The following FZR1 variants were observed in gnomAD, a reference collection of about 807,000 sequenced individuals.
The protein encoded by FZR1 is fizzy-related protein homolog.
In FZR1, 11 loss-of-function variants were observed where a neutral mutation model predicts 63.6. The observed-to-expected ratio is 0.17, with a 90% CI of 0.11 to 0.29. The LOEUF (loss-of-function observed/expected upper bound fraction) is 0.29, where lower values mean the gene tolerates loss of function less well. Ranked by LOEUF, FZR1 falls within the 10% of genes least tolerant of loss-of-function variation. The pLI is 1.00. For synonymous variants in FZR1, 328 were observed against 297.9 expected (o/e 1.10, Z -1.04); for missense variants, 440 against 687.5 (o/e 0.64, Z 4.03).
At chr19:3,518,833 C>A (rs910182472) in intron 1 of FZR1, among the ~76,000 whole-genome samples, 2 of 152,176 alleles carry the variant, frequency 1.3e-5, no homozygotes, top group Non-Finnish European at 2.9e-5. Context: ...TACTGCATTC[C>A]AGCCTGGGCG....
rs775669018 is a variant in FZR1 at position 3,532,384 on chromosome 19, G to GACAGCCCCGGCCTC, written c.1009-24_1009-11dup. The GACAGCCCCGGCCTC allele has an allele frequency of 2.0e-5, 30 of 1,530,332 alleles. No homozygotes were observed. In the Middle Eastern group the frequency reaches 5.4e-4, roughly 28 times the overall value. The allele number at this position is 1,530,332 out of a possible 1,614,324, so 94.8% of individuals were successfully genotyped here. On this transcript the variant is annotated intron_variant, in intron 10 of 13. Coordinates refer to ENST00000441788, the MANE Select transcript of FZR1 (RefSeq NM_016263.4). ...CCGGCCTATGGGACCACAGGGCTGGGACAGCCCCGGCCTCACAGCCCCTGT... is the reference window on the plus strand; with the variant it reads ...CCGGCCTATGGGACCACAGGGCTGGGACAGCCCCGGCCTCACAGCCCCGGCCTCACAGCCCCTGT...
chr19:3,530,758 C>T lies in FZR1; in HGVS notation c.655-34C>T, dbSNP rs776763870. On this transcript the variant is annotated intron_variant, in intron 7 of 13. Transcript: ENST00000441788. ...CATGGATAGACTGGGGCTTCGAGAC[C>T]AGCGGCAAAGCTCACACTGACCTCT... 5 of 1,576,812 alleles carry T rather than the reference C, an allele frequency of 3.2e-6. 1 individual carries two copies. In the South Asian group the frequency reaches 5.6e-5, roughly 18 times the overall value.
intron 6 of FZR1, 39 bp downstream of exon 6, chr19:3,527,101 G>A: frequency 6.9e-7 from 1 of 1,457,128 alleles, no homozygotes; most frequent in Non-Finnish European, 9.6e-7. Flanking sequence ...CCTACTCCCT[G>A]TCTCCCGTCA....
At chr19:3,523,596 G>A (rs986283351) in intron 2 of FZR1, among the ~76,000 whole-genome samples, 1 of 152,214 alleles carries the variant, frequency 6.6e-6, no homozygotes, top group African/African-American at 2.4e-5. Context: ...CCAAACTCCT[G>A]TTGCTGTCTA....
Position 3,516,440 on chromosome 19 carries a change from T to C in FZR1, c.-34-6516T>C, listed in dbSNP as rs1227384164. Among the ~76,000 whole-genome samples, 1 of 152,198 alleles carries C rather than the reference T, an allele frequency of 6.6e-6. No homozygotes were observed. The highest frequency in any genetic ancestry group is 2.4e-5 in the African/African-American group (1 of 41,456). ...TGTCTGCCCTGCGGACTCCCAATTT[T>C]CCCGGTGTTGAATTCCACAGCCATG... On this transcript the variant is annotated intron_variant, in intron 1 of 13. Coordinates refer to ENST00000441788, the MANE Select transcript of FZR1 (RefSeq NM_016263.4). The surrounding 1 kb of genome is among the most constrained non-coding windows in gnomAD (Gnocchi z 6.0).
rs1261952147 is a variant in FZR1, at chr19:3,533,699, C to T, written c.1347+301C>T. ...GAAGAGGAAAGCCAAAACCAACTCA[C>T]AGCTGACCACTCAGATGACCCTGTG... On this transcript the variant is annotated intron_variant, in intron 12 of 13. Transcript: ENST00000441788. The surrounding 1 kb of genome is among the most constrained non-coding windows in gnomAD (Gnocchi z 4.9). 1.1e-5 allele frequency: 4 copies of T among 374,192 alleles called. No homozygotes were observed. The highest frequency in any genetic ancestry group is 8.3e-5 in the African/African-American group (4 of 48,170). 23.2% of individuals were successfully genotyped at this position (374,192 alleles called of 1,614,324 possible). A position where few individuals can be genotyped will look rare whatever the true frequency, so the allele number is the denominator to read the frequency against.
At position 3,507,831 on chromosome 19, in the gene FZR1, G is replaced by C. The variant is rs184143969; in HGVS notation, c.-35+1357G>C. Among the ~76,000 whole-genome samples the C allele has an allele frequency of 1.9e-3, 295 of 152,382 alleles. 2 individuals are homozygous for C. Among genetic ancestry groups the C allele is most frequent in the African/African-American group, 5.7e-3 (239 of 41,592 alleles). On this transcript the variant is annotated intron_variant, in intron 1 of 13. Transcript: ENST00000441788. ...GCGTGGGCCTCCTCCTGTGTCAGGG[G>C]CCCGTGTGTTTTGGCGACACCCGAT...
chr19:3,506,818 G>A (rs1438990678), intron 1 of FZR1, among the ~76,000 whole-genome samples: 3 of 152,142 alleles, frequency 2.0e-5, no homozygotes, highest in Middle Eastern at 3.4e-3. Flanking sequence ...CCCCCAACCA[G>A]GGGACCCCAC....
At position 3,531,895 on chromosome 19, in the gene FZR1, T is replaced by C. The variant is rs1391764794; in HGVS notation, c.824-16T>C. 2 of 1,585,250 alleles carry C rather than the reference T, an allele frequency of 1.3e-6. No homozygotes were observed. Among genetic ancestry groups the C allele is most frequent in the Non-Finnish European group, 1.7e-6 (2 of 1,168,196 alleles). ...AGGGCAGGAGAGGCTCACCCCCGCT[T>C]CCACCTGGCCTCCAGGGGCGCTGGC... is the stretch of plus-strand genomic sequence containing the variant. On this transcript the variant is annotated splice_polypyrimidine_tract_variant and intron_variant, in intron 9 of 13. Transcript: ENST00000441788.
chr19:3,526,528 C>A lies in FZR1; in HGVS notation c.387+142C>A. Reference sequence around the variant, plus strand: ...TCAGCACCCCCGCCCTGACCCTGTTCCTTAGCCAGGTCAGGGGCCCTGGGA... The same window carrying A: ...TCAGCACCCCCGCCCTGACCCTGTTACTTAGCCAGGTCAGGGGCCCTGGGA... On this transcript the variant is annotated intron_variant, in intron 5 of 13. Transcript: ENST00000441788. This position sits in a 1 kb window ranked among gnomAD's most constrained non-coding sequence, Gnocchi z 5.4. 1 of 649,214 alleles carries A rather than the reference C, an allele frequency of 1.5e-6. No homozygotes were observed. Among genetic ancestry groups the A allele is most frequent in the East Asian group, 2.7e-5 (1 of 36,522 alleles). 40.2% of individuals were successfully genotyped at this position (649,214 alleles called of 1,614,324 possible).
In FZR1 at chr19:3,526,960, G is replaced by A. The variant is rs757880275; in HGVS notation, c.388-20G>A. 9 of 1,589,318 alleles carry A rather than the reference G, an allele frequency of 5.7e-6. No homozygotes were observed. The highest frequency in any genetic ancestry group is 1.7e-4 in the Middle Eastern group (1 of 6,040). On this transcript the variant is annotated intron_variant, in intron 5 of 13. Coordinates refer to ENST00000441788, the MANE Select transcript of FZR1 (RefSeq NM_016263.4). The surrounding 1 kb of genome is among the most constrained non-coding windows in gnomAD (Gnocchi z 5.4). Reference sequence around the variant, plus strand: ...TGCGGCCTGGGCGTGCGCTCAGCTGGCATGTCCCCCGCTCCACAGTATTCC... The same window carrying A: ...TGCGGCCTGGGCGTGCGCTCAGCTGACATGTCCCCCGCTCCACAGTATTCC...
rs1286393656 is a variant in FZR1, at chr19:3,538,293, TGTTTA to T, written c.*3458_*3462del. On this transcript the variant is annotated 3_prime_UTR_variant, in exon 14 of 14. Transcript: ENST00000441788. ...GGTTTGGTTTGGTTTTGTTTTGTTT[TGTTTA>T]TTGTGGTAAAATACAAAATCTACCG... 1 of 167,374 alleles carries T rather than the reference TGTTTA, an allele frequency of 6.0e-6. No individual in the cohort carries two copies. Among genetic ancestry groups the T allele is most frequent in the Non-Finnish European group, 1.3e-5 (1 of 77,166 alleles). The allele number at this position is 167,374 out of a possible 1,614,324, so 10.4% of individuals were successfully genotyped here.
At chr19:3,520,246 G>A (rs982819382) in intron 1 of FZR1, among the ~76,000 whole-genome samples, 2 of 152,058 alleles carry the variant, frequency 1.3e-5, no homozygotes, top group Non-Finnish European at 2.9e-5. Context: ...GAGAACCGGT[G>A]GGGACTGTGG....
Position 3,533,537 on chromosome 19 carries a change from G to C in FZR1, c.1347+139G>C, listed in dbSNP as rs878929879. ...CCCGTGGGACCCAGCAGCAGGGGCC[G>C]GCAGGGCATCTGGTGCTGGTTGTGT... On this transcript the variant is annotated intron_variant, in intron 12 of 13. Coordinates refer to ENST00000441788, the MANE Select transcript of FZR1 (RefSeq NM_016263.4). This position sits in a 1 kb window ranked among gnomAD's most constrained non-coding sequence, Gnocchi z 4.9. The C allele has an allele frequency of 2.3e-5, 14 of 620,552 alleles. 2 individuals are homozygous for C. In the South Asian group the frequency reaches 2.6e-4, roughly 12 times the overall value. The allele number at this position is 620,552 out of a possible 1,614,324, so 38.4% of individuals were successfully genotyped here. A position where few individuals can be genotyped will look rare whatever the true frequency, so the allele number is the denominator to read the frequency against.
At chr19:3,524,631 A>T (rs1031677342) in intron 2 of FZR1, among the ~76,000 whole-genome samples, 6 of 151,868 alleles carry the variant, frequency 4.0e-5, no homozygotes, top group African/African-American at 1.5e-4. Flanking sequence ...CCCACGCAGC[A>T]CTCGCAGAAC....
Position 3,516,864 on chromosome 19 carries a change from T to C in FZR1, c.-34-6092T>C, listed in dbSNP as rs776739458. Among the ~76,000 whole-genome samples the C allele has an allele frequency of 6.6e-6, 1 of 152,250 alleles. No homozygotes were observed. The highest frequency in any genetic ancestry group is 2.4e-5 in the African/African-American group (1 of 41,474). ...GGCGTCTCTGTTGCCCCGGAGGGCT[T>C]GTCAGGTGCAGCCATGTGCTGCTGG... On this transcript the variant is annotated intron_variant, in intron 1 of 13. Transcript: ENST00000441788. This position sits in a 1 kb window ranked among gnomAD's most constrained non-coding sequence, Gnocchi z 6.0.
At chr19:3,509,829 C>G (rs915134594) in intron 1 of FZR1, among the ~76,000 whole-genome samples, 2 of 152,266 alleles carry the variant, frequency 1.3e-5, no homozygotes, top group Middle Eastern at 3.4e-3. Flanking sequence ...GTGGAGGCAC[C>G]GGGTTTTGTG....
At chr19:3,534,074 A>G (rs2122030237) in intron 12 of FZR1, among the ~76,000 whole-genome samples, 1 of 151,970 alleles carries the variant, frequency 6.6e-6, no homozygotes, top group East Asian at 1.9e-4. Flanking sequence ...CTTTTTTTAA[A>G]TGAGGTGTGG....
rs2083140095 is a variant in FZR1, at chr19:3,525,132, C to G, written c.70-736C>G. Among the ~76,000 whole-genome samples, 2 of 152,112 alleles carry G rather than the reference C, an allele frequency of 1.3e-5. No individual in the cohort carries two copies. Among genetic ancestry groups the G allele is most frequent in the South Asian group, 4.1e-4 (2 of 4,830 alleles). On this transcript the variant is annotated intron_variant, in intron 2 of 13. Coordinates refer to ENST00000441788, the MANE Select transcript of FZR1 (RefSeq NM_016263.4). The surrounding 1 kb of genome is among the most constrained non-coding windows in gnomAD (Gnocchi z 4.2). ...CAGGTGGCTCTGGGTACAGCTGTTG[C>G]GTGTCTTGTGCCGTCAAGGCCTGCG...
Sources: allele counts gnomAD v4.1 joint callset (sites outside exome capture counted in the v4.1 genomes callset), GRCh38; gene constraint gnomAD v4.1.1; non-coding constraint Gnocchi (gnomAD v3.1); transcripts MANE v1.5; gene names NCBI Gene and HGNC (gene_info 2026-07-23, HGNC 2026-07-21).